SMURF1: variants seen among roughly 807,000 people sequenced by gnomAD.
SMURF1 encodes SMAD specific E3 ubiquitin protein ligase 1.
A neutral mutation model predicts 98.0 loss-of-function variants in SMURF1; 44 were observed. The ratio of observed to expected loss-of-function variants is 0.45; its 90% CI spans 0.35 to 0.58. The LOEUF is 0.58. Among genes scored for constraint, SMURF1 ranks in the 20% least tolerant of loss-of-function variants. The pLI is 0.00. For missense variants in SMURF1, 687 were observed against 938.4 expected (o/e 0.73, Z 3.50); for synonymous variants, 396 against 374.9 (o/e 1.06, Z -0.65).
chr7:99,034,854 A>G (rs923121916), intron 16 of SMURF1, among the ~76,000 whole-genome samples: 3 of 152,188 alleles, frequency 2.0e-5, no homozygotes, highest in Admixed American at 2.0e-4. Context: ...AGGCAGAGGG[A>G]ATATTCTGTG....
At chr7:99,086,642 C>T (rs569496327) in intron 1 of SMURF1, among the ~76,000 whole-genome samples, 1 of 152,206 alleles carries the variant, frequency 6.6e-6, no homozygotes, top group Non-Finnish European at 1.5e-5. Context: ...TTCAGAATAG[C>T]AAAAATGCAG....
chr7:99,030,712 G>A, intron 17 of SMURF1, 29 bp from the exon 18 acceptor site: 1 of 1,599,556 alleles, frequency 6.3e-7, no homozygotes, highest in South Asian at 1.1e-5. Flanking sequence ...GAGTCACCGT[G>A]TGGGCAGTCC....
At chr7:99,123,107 A>AT (rs11402676) in intron 1 of SMURF1, among the ~76,000 whole-genome samples, 98,729 of 149,348 alleles carry the variant, frequency 0.66, 33,732 homozygotes, top group Non-Finnish European at 0.76. Flanking sequence ...ACTTTTATTT[A>AT]TTTTTTTTTT....
At chr7:99,059,214 A>T (rs1795959008) in intron 3 of SMURF1, among the ~76,000 whole-genome samples, 1 of 151,012 alleles carries the variant, frequency 6.6e-6, no homozygotes, top group Non-Finnish European at 1.5e-5. Flanking sequence ...CCCGGCTAAA[A>T]CGGTGAAACC....
At chr7:99,136,566 T>C (rs962761039) in intron 1 of SMURF1, among the ~76,000 whole-genome samples, 5 of 152,238 alleles carry the variant, frequency 3.3e-5, no homozygotes, top group Non-Finnish European at 5.9e-5. Flanking sequence ...TCTGATGTCT[T>C]TCTCTAGTTA....
chr7:99,067,212 G>T (rs1796216048), intron 1 of SMURF1, among the ~76,000 whole-genome samples: 1 of 151,362 alleles, frequency 6.6e-6, no homozygotes, highest in African/African-American at 2.4e-5. Context: ...TGGTCAGGCT[G>T]GTCTTGAACT....
chr7:99,128,807 C>T (rs932637098), intron 1 of SMURF1, among the ~76,000 whole-genome samples: 1 of 152,196 alleles, frequency 6.6e-6, no homozygotes, highest in Non-Finnish European at 1.5e-5. Context: ...CAGGTTTATT[C>T]AAGCAATAGC....
At chr7:99,033,522 C>T (rs1795000412) in intron 16 of SMURF1, among the ~76,000 whole-genome samples, 2 of 152,180 alleles carry the variant, frequency 1.3e-5, no homozygotes, top group Admixed American at 1.3e-4. Context: ...CCAGGCTGGT[C>T]TGGAACTCCT....
chr7:99,061,754 A>G, intron 2 of SMURF1, 45 bp downstream of exon 2: 2 of 1,440,318 alleles, frequency 1.4e-6, no homozygotes, highest in South Asian at 1.3e-5. Context: ...TTTCAGAAAT[A>G]CATGCATAAC....
At chr7:99,136,905 G>T (rs1008159113) in intron 1 of SMURF1, among the ~76,000 whole-genome samples, 2 of 152,136 alleles carry the variant, frequency 1.3e-5, no homozygotes, top group Non-Finnish European at 2.9e-5. Context: ...AGCTGTTATG[G>T]TGCCACTGCA....
At chr7:99,087,566 C>A (rs1241066277) in intron 1 of SMURF1, among the ~76,000 whole-genome samples, 1 of 152,142 alleles carries the variant, frequency 6.6e-6, no homozygotes. Context: ...GACAATGGCA[C>A]CTATTGTAAA....
rs139011096 is a variant in SMURF1, at chr7:99,045,072, G to A, written c.1256+626C>T. Among the ~76,000 whole-genome samples, 893 of 152,140 alleles carry A rather than the reference G, an allele frequency of 5.9e-3. 7 individuals carry two copies. Among genetic ancestry groups the A allele is most frequent in the African/African-American group, 0.021 (857 of 41,488 alleles). ...GAGGATCGCTTGAGCCCAGGAGGTT[G>A]AGGCTGCAGTGAGCTATGATTGTGC... On this transcript the variant is annotated intron_variant, in intron 11 of 17. Transcript: ENST00000361368.
Position 99,143,846 on chromosome 7 carries a change from C to T in SMURF1, c.-66G>A. 1.4e-6 allele frequency: 2 copies of T among 1,396,150 alleles called. No individual in the cohort carries two copies. Among genetic ancestry groups the T allele is most frequent in the Admixed American group, 6.0e-5 (2 of 33,606 alleles). 86.5% of individuals were successfully genotyped at this position (1,396,150 alleles called of 1,614,324 possible). On this transcript the variant is annotated 5_prime_UTR_variant, in exon 1 of 18. Coordinates refer to ENST00000361368, the MANE Select transcript of SMURF1 (RefSeq NM_181349.3). ...GCCCCCCAGCCCGGCCCGGCCCGGC[C>T]CCGCCGCCGCCGCCTCAAGGTTACG...
intron 1 of SMURF1, among the ~76,000 whole-genome samples, chr7:99,086,425 G>A (rs564306690): frequency 6.6e-6 from 1 of 151,814 alleles, no homozygotes; most frequent in South Asian, 2.1e-4. Flanking sequence ...GAGGGGCAAG[G>A]ATATGGAGAA....
chr7:99,119,003 ATTTTTTTTTTTT>A (rs67705340), intron 1 of SMURF1, among the ~76,000 whole-genome samples: 28 of 42,928 alleles, frequency 6.5e-4, no homozygotes, highest in African/African-American at 2.4e-3. Flanking sequence ...TAACATGCCA[ATTTTTTTTTTTT>A]TTTTTTTTTT....
intron 1 of SMURF1, among the ~76,000 whole-genome samples, chr7:99,086,721 T>C (rs1267238408): frequency 1.3e-5 from 2 of 152,216 alleles, no homozygotes; most frequent in Non-Finnish European, 2.9e-5. Flanking sequence ...CAATGGAATA[T>C]TATTCAGCCA....
At chr7:99,143,393 A>C in intron 1 of SMURF1, among the ~76,000 whole-genome samples, 1 of 109,320 alleles carries the variant, frequency 9.1e-6, no homozygotes, top group African/African-American at 3.5e-5. Flanking sequence ...GGAAAAGAGA[A>C]GCGAGGGGCG....
At chr7:99,117,806 G>A (rs758963886) in intron 1 of SMURF1, among the ~76,000 whole-genome samples, 7 of 151,810 alleles carry the variant, frequency 4.6e-5, no homozygotes, top group South Asian at 2.1e-4. Context: ...TATGCTGAGC[G>A]TGGTGGCTCA....
chr7:99,039,392 C>G (rs1378998471), intron 13 of SMURF1, among the ~76,000 whole-genome samples: 1 of 151,874 alleles, frequency 6.6e-6, no homozygotes, highest in East Asian at 1.9e-4. Flanking sequence ...GTCATCCAGG[C>G]TGGAGTGCAG....
Sources: gnomAD v4.1 joint callset for allele counts (sites outside exome capture counted in the v4.1 genomes callset) on GRCh38, gnomAD v4.1.1 for gene constraint, MANE v1.5 for transcripts, NCBI Gene and HGNC (gene_info 2026-07-23, HGNC 2026-07-21) for gene names.